DYNC2H1: variants seen among roughly 807,000 people sequenced by gnomAD.
The protein encoded by DYNC2H1 is dynein cytoplasmic 2 heavy chain 1, also known as cytoplasmic dynein 2 heavy chain 1.
Under a neutral mutation model 570.0 loss-of-function variants are expected in DYNC2H1, and 410 were observed. That is an observed-to-expected ratio of 0.72 (90% CI 0.66 to 0.78). The LOEUF is 0.78. DYNC2H1 is among the 30% of genes least tolerant of loss of function. The pLI, the probability that DYNC2H1 is intolerant of heterozygous loss-of-function variation, is 0.00. For missense variants in DYNC2H1, 4,865 were observed against 5,046.4 expected (o/e 0.96, Z 1.09); for synonymous variants, 1,688 against 1,677.6 (o/e 1.01, Z -0.15).
chr11:103,457,353 A>C (rs10895433), intron 87 of DYNC2H1, among the ~76,000 whole-genome samples: 47,583 of 151,658 alleles, frequency 0.31, 7,966 homozygotes, highest in East Asian at 0.51. Context: ...GGAGGTATAC[A>C]AGAAGAAGGC....
intron 50 of DYNC2H1, among the ~76,000 whole-genome samples, chr11:103,200,521 C>T (rs1286363381): frequency 6.6e-6 from 1 of 151,912 alleles, no homozygotes; most frequent in African/African-American, 2.4e-5. Context: ...GGAATTTAAC[C>T]CACAGAAATA....
intron 15 of DYNC2H1, among the ~76,000 whole-genome samples, chr11:103,134,714 T>A (rs1428339268): frequency 6.6e-6 from 1 of 152,090 alleles, no homozygotes; most frequent in Non-Finnish European, 1.5e-5. Flanking sequence ...TTATTAGTTC[T>A]CTTCTAGGTG....
chr11:103,129,096 C>A lies in DYNC2H1; in HGVS notation c.1953+91C>A. On this transcript the variant is annotated intron_variant, in intron 13 of 88. Coordinates refer to ENST00000375735, the MANE Select transcript of DYNC2H1 (RefSeq NM_001377.3). The surrounding 1 kb of genome is among the most constrained non-coding windows in gnomAD (Gnocchi z 4.1). ...CGGTGTTCCCTTCAGCTTAATATAT[C>A]AAATGATCTAGATTTTGTTTTGCTT... The A allele has an allele frequency of 1.8e-6, 2 of 1,082,960 alleles. No individual in the cohort carries two copies. The highest frequency in any genetic ancestry group is 2.6e-6 in the Non-Finnish European group (2 of 760,838). 67.1% of individuals were successfully genotyped at this position (1,082,960 alleles called of 1,614,324 possible). A position where few individuals can be genotyped will look rare whatever the true frequency, so the allele number is the denominator to read the frequency against.
At position 103,304,605 on chromosome 11, in the gene DYNC2H1, G is replaced by T; in HGVS notation, c.11267G>T (p.Gly3756Val). 6.2e-7 allele frequency: 1 copy of T among 1,611,204 alleles called. No homozygotes were observed. Among genetic ancestry groups the T allele is most frequent in the Non-Finnish European group, 8.5e-7 (1 of 1,178,276 alleles). Reference sequence around the variant, plus strand: ...TTTTTGCTTTTGTAGGTTGCCATGGGTCAAGGTCAAGCTGATTTAGCAATT... The same window carrying T: ...TTTTTGCTTTTGTAGGTTGCCATGGTTCAAGGTCAAGCTGATTTAGCAATT... ...SGECYHQVAM[G>V]QGQADLAIQM... Residue 3756 changes from glycine (G) to valine (V), a missense_variant, in exon 77 of 89, where the codon GGT becomes GTT. Gly to Val is a moderately radical substitution (Grantham distance 109). Transcript: ENST00000375735.
At position 103,282,991 on chromosome 11, in the gene DYNC2H1, A is replaced by G; in HGVS notation, c.10813-17A>G. On this transcript the variant is annotated splice_polypyrimidine_tract_variant and intron_variant, in intron 72 of 88. Transcript: ENST00000375735. ...TTTTACCAAGTATACTAAGGAAAAT[A>G]ATTGCTTTTATTAAAGGACTCTCAA... 1 of 1,584,020 alleles carries G rather than the reference A, an allele frequency of 6.3e-7. No individual in the cohort carries two copies. The highest frequency in any genetic ancestry group is 8.6e-7 in the Non-Finnish European group (1 of 1,163,106).
chr11:103,320,991 T>G, intron 80 of DYNC2H1, 38 bp from the exon 81 acceptor site: 3 of 1,483,246 alleles, frequency 2.0e-6, no homozygotes, highest in Non-Finnish European at 2.8e-6. Context: ...GTTAATATTT[T>G]AGAAATGAAA....
rs1263268135 is a variant in DYNC2H1 at position 103,165,972 on chromosome 11, G to T, written c.4686G>T (p.Gln1562His). ...CTATTAAAGATCATAGTCTTCATCA[G>T]ATTGAAACACAACTGGTGAATAAGT... The part of the protein sequence containing the change: ...ENAIKDHSLH[Q>H]IETQLVNKLE... The change falls in exon 31 of 89, where the codon CAG becomes CAT. Residue 1562 changes from glutamine (Q) to histidine (H), a missense_variant. Physicochemically the swap from Gln to His is conservative, Grantham distance 24. Transcript: ENST00000375735. The T allele has an allele frequency of 2.0e-6, 3 of 1,527,532 alleles. No individual in the cohort carries two copies. The highest frequency in any genetic ancestry group is 2.6e-6 in the Non-Finnish European group (3 of 1,136,330). 94.6% of individuals were successfully genotyped at this position (1,527,532 alleles called of 1,614,324 possible).
intron 88 of DYNC2H1, among the ~76,000 whole-genome samples, chr11:103,473,713 C>T (rs1215544094): frequency 6.6e-6 from 1 of 152,170 alleles, no homozygotes; most frequent in Non-Finnish European, 1.5e-5. Context: ...AGACCAGTCT[C>T]AGTGATGCCC....
At chr11:103,214,853 G>A (rs909067788) in intron 54 of DYNC2H1, among the ~76,000 whole-genome samples, 5 of 149,334 alleles carry the variant, frequency 3.3e-5, no homozygotes, top group Non-Finnish European at 7.4e-5. Flanking sequence ...TTGCCTTGTA[G>A]AGGTCTTTCC....
chr11:103,142,776 C>T (rs894731903), intron 17 of DYNC2H1, among the ~76,000 whole-genome samples: 9 of 152,186 alleles, frequency 5.9e-5, no homozygotes, highest in Non-Finnish European at 2.9e-5. Context: ...GGCTATTTAA[C>T]AGCTTATTTC....
intron 44 of DYNC2H1, among the ~76,000 whole-genome samples, chr11:103,188,855 T>C (rs1862183352): frequency 1.3e-5 from 2 of 152,128 alleles, no homozygotes; most frequent in Non-Finnish European, 2.9e-5. Context: ...ATTTATGATA[T>C]GTTTAACAGG....
At chr11:103,231,144 A>AG in intron 59 of DYNC2H1, 116 bp from the exon 60 acceptor site, 1 of 538,032 alleles carries the variant, frequency 1.9e-6, no homozygotes, top group Non-Finnish European at 3.2e-6. Flanking sequence ...AAGGTGTTAT[A>AG]ATACTGAGTT....
At chr11:103,116,272 A>G (rs1022691896) in intron 4 of DYNC2H1, among the ~76,000 whole-genome samples, 7 of 152,284 alleles carry the variant, frequency 4.6e-5, no homozygotes, top group South Asian at 4.1e-4. Context: ...AGTTGAGATA[A>G]CCTTTAATGG....
chr11:103,282,364 G>T (rs1242648087), intron 72 of DYNC2H1, 135 bp downstream of exon 72: 4 of 734,766 alleles, frequency 5.4e-6, no homozygotes, highest in Admixed American at 6.3e-5. Flanking sequence ...ATATATTCTG[G>T]CCTCTTAAGT....
intron 75 of DYNC2H1, among the ~76,000 whole-genome samples, chr11:103,288,289 A>C (rs1866432116): frequency 1.3e-5 from 2 of 152,128 alleles, no homozygotes; most frequent in Admixed American, 1.3e-4. Context: ...TCAGAGTCGA[A>C]TCGAAACCAC....
intron 30 of DYNC2H1, among the ~76,000 whole-genome samples, chr11:103,165,407 G>T (rs562879235): frequency 2.0e-5 from 3 of 152,172 alleles, no homozygotes; most frequent in Non-Finnish European, 4.4e-5. Context: ...GGGATTACAG[G>T]CGTGAGCCAC....
In DYNC2H1 at chr11:103,244,861, C is replaced by CAT. The variant is rs1390334812; in HGVS notation, c.9919-380_9919-379dup. On this transcript the variant is annotated intron_variant, in intron 64 of 88. Coordinates refer to ENST00000375735, the MANE Select transcript of DYNC2H1 (RefSeq NM_001377.3). The surrounding 1 kb of genome is among the most constrained non-coding windows in gnomAD (Gnocchi z 4.3). Reference sequence around the variant, plus strand: ...ACTTTTATATATATGTACACACACACATATATATATACACACACATACCAC... The same window carrying CAT: ...ACTTTTATATATATGTACACACACACATATATATATATACACACACATACCAC... Among the ~76,000 whole-genome samples the CAT allele has an allele frequency of 6.7e-5, 10 of 150,228 alleles. No individual in the cohort carries two copies. The highest frequency in any genetic ancestry group is 1.9e-4 in the East Asian group (1 of 5,148).
intron 11 of DYNC2H1, 38 bp from the exon 12 acceptor site, chr11:103,125,062 A>C: frequency 6.6e-7 from 1 of 1,504,700 alleles, no homozygotes; most frequent in Non-Finnish European, 9.1e-7. Context: ...AAACAGTGAG[A>C]ACATGAAACT....
Position 103,211,959 on chromosome 11 carries a change from T to C in DYNC2H1, c.8694+16T>C, listed in dbSNP as rs1236804884. Reference sequence around the variant, plus strand: ...TCATTTGCAGGTATAGTATTGGTAATCTTGAATTATTTTATCTATATATAG... The same window carrying C: ...TCATTTGCAGGTATAGTATTGGTAACCTTGAATTATTTTATCTATATATAG... On this transcript the variant is annotated intron_variant, in intron 54 of 88. Transcript: ENST00000375735. The C allele has an allele frequency of 1.3e-6, 2 of 1,496,230 alleles. No homozygotes were observed. The highest frequency in any genetic ancestry group is 1.8e-6 in the Non-Finnish European group (2 of 1,123,166). The allele number at this position is 1,496,230 out of a possible 1,614,324, so 92.7% of individuals were successfully genotyped here.
Sources: gnomAD v4.1 joint callset for allele counts (sites outside exome capture counted in the v4.1 genomes callset) on GRCh38, gnomAD v4.1.1 for gene constraint, Gnocchi (gnomAD v3.1) non-coding constraint, MANE v1.5 for transcripts, NCBI Gene and HGNC (gene_info 2026-07-23, HGNC 2026-07-21) for gene names.